Variants in LRMDA observed in about 807,000 individuals in gnomAD.
LRMDA encodes leucine-rich melanocyte differentiation-associated protein.
Under a neutral mutation model 29.8 loss-of-function variants are expected in LRMDA, and 18 were observed. The observed-to-expected ratio is 0.60, with a 90% CI of 0.42 to 0.90. The LOEUF is 0.90. Among genes scored for constraint, LRMDA ranks in the 40% least tolerant of loss-of-function variants. The pLI is 0.00. For synonymous variants in LRMDA, 125 were observed against 109.4 expected, an observed-to-expected ratio of 1.14 and a Z score of -0.89; for missense variants, 273 against 273.9, an observed-to-expected ratio of 1.00 and a Z score of 0.02.
intron 2 of LRMDA, among the ~76,000 whole-genome samples, chr10:75,637,370 A>G (rs532124534): frequency 6.6e-6 from 1 of 152,326 alleles, no homozygotes; most frequent in Admixed American, 6.5e-5. Context: ...TATTGACAGT[A>G]CATACATAGA....
At chr10:76,292,344 C>G (rs1361953063) in intron 5 of LRMDA, among the ~76,000 whole-genome samples, 1 of 152,096 alleles carries the variant, frequency 6.6e-6, no homozygotes, top group Non-Finnish European at 1.5e-5. Flanking sequence ...CTTGCACAAC[C>G]AAGCTCACAG....
chr10:76,306,815 G>A (rs1431065005), intron 5 of LRMDA, among the ~76,000 whole-genome samples: 3 of 152,164 alleles, frequency 2.0e-5, no homozygotes, highest in African/African-American at 7.2e-5. Context: ...ATATTCTCTT[G>A]TGGTATTATC....
At chr10:75,809,368 G>A (rs927250705) in intron 2 of LRMDA, among the ~76,000 whole-genome samples, 44 of 152,346 alleles carry the variant, frequency 2.9e-4, no homozygotes, top group African/African-American at 1.0e-3. Flanking sequence ...CATGGGCCAG[G>A]TGCAGTGGCT....
intron 5 of LRMDA, among the ~76,000 whole-genome samples, chr10:76,153,403 C>G (rs1161459508): frequency 6.6e-6 from 1 of 152,180 alleles, no homozygotes; most frequent in Non-Finnish European, 1.5e-5. Context: ...AATCCAAGGT[C>G]ATGAAGATAC....
In LRMDA at chr10:75,760,186, A is replaced by G. The variant is rs114222050; in HGVS notation, c.132-275822A>G. Among the ~76,000 whole-genome samples the G allele has an allele frequency of 6.2e-3, 939 of 152,362 alleles. 14 individuals are homozygous for G. Among genetic ancestry groups the G allele is most frequent in the African/African-American group, 0.021 (889 of 41,578 alleles). On this transcript the variant is annotated intron_variant, in intron 2 of 6. Transcript: ENST00000611255. ...GTTGTGGCTGTCTTCACCACAGGTG[A>G]GAATTTAGTGATTTGTGGGCCCCAG...
chr10:76,502,111 A>G (rs1175149504), intron 6 of LRMDA, among the ~76,000 whole-genome samples: 1 of 151,806 alleles, frequency 6.6e-6, no homozygotes, highest in Non-Finnish European at 1.5e-5. Context: ...ATTTATTGAA[A>G]AGGGAGTCCT....
At chr10:75,958,654 C>T (rs889593576) in intron 2 of LRMDA, among the ~76,000 whole-genome samples, 2 of 152,006 alleles carry the variant, frequency 1.3e-5, no homozygotes, top group Non-Finnish European at 2.9e-5. Context: ...GATTTCTATT[C>T]AAGAAATGAA....
intron 2 of LRMDA, among the ~76,000 whole-genome samples, chr10:75,718,494 C>G (rs1174311724): frequency 1.3e-5 from 2 of 152,212 alleles, no homozygotes; most frequent in South Asian, 4.1e-4. Context: ...GATAGATACT[C>G]TGGTGGTAGG....
intron 2 of LRMDA, among the ~76,000 whole-genome samples, chr10:75,918,234 C>T (rs577990039): frequency 6.6e-6 from 1 of 152,284 alleles, no homozygotes; most frequent in South Asian, 2.1e-4. Flanking sequence ...TTTACCACTA[C>T]CCTATTGTAT....
At chr10:75,694,878 A>G (rs780571517) in intron 2 of LRMDA, among the ~76,000 whole-genome samples, 3 of 152,242 alleles carry the variant, frequency 2.0e-5, no homozygotes, top group African/African-American at 4.8e-5. Flanking sequence ...CATTGCTCAC[A>G]TTGATCTGCA....
At chr10:76,088,634 T>C (rs1242423067) in intron 5 of LRMDA, among the ~76,000 whole-genome samples, 2 of 152,208 alleles carry the variant, frequency 1.3e-5, no homozygotes, top group Non-Finnish European at 2.9e-5. Flanking sequence ...TTTTTGTTAA[T>C]GGCCAGCCCA....
intron 6 of LRMDA, chr10:76,464,934 G>C (rs1423874284): frequency 6.6e-6 from 1 of 152,198 alleles, no homozygotes; most frequent in African/African-American, 2.4e-5. Context: ...TAAGGTAAGA[G>C]TAGCTTCTCT....
At chr10:76,545,083 T>C (rs1843403274) in intron 6 of LRMDA, among the ~76,000 whole-genome samples, 1 of 152,096 alleles carries the variant, frequency 6.6e-6, no homozygotes, top group Non-Finnish European at 1.5e-5. Flanking sequence ...GAAGGCCTTT[T>C]CCCCAATCCT....
intron 2 of LRMDA, among the ~76,000 whole-genome samples, chr10:75,485,664 G>A (rs990701898): frequency 1.3e-5 from 2 of 152,036 alleles, no homozygotes; most frequent in South Asian, 2.1e-4. Context: ...CGCAACCTCC[G>A]CCTCCCGGGT....
chr10:76,335,583 C>G (rs1840957187), intron 6 of LRMDA, among the ~76,000 whole-genome samples: 1 of 152,154 alleles, frequency 6.6e-6, no homozygotes, highest in Non-Finnish European at 1.5e-5. Context: ...TGGTTTTATA[C>G]ATTTTAGGAA....
chr10:76,520,957 T>TA (rs966753528), intron 6 of LRMDA, among the ~76,000 whole-genome samples: 1 of 152,156 alleles, frequency 6.6e-6, no homozygotes, highest in Admixed American at 6.5e-5. Flanking sequence ...GAACATTTGA[T>TA]AAAAAATAGA....
At chr10:75,792,392 G>A (rs1480062330) in intron 2 of LRMDA, among the ~76,000 whole-genome samples, 1 of 152,098 alleles carries the variant, frequency 6.6e-6, no homozygotes, top group Non-Finnish European at 1.5e-5. Flanking sequence ...AGCCTCCTGA[G>A]TAGCTGGGAT....
intron 2 of LRMDA, among the ~76,000 whole-genome samples, chr10:75,967,109 T>TG (rs1846875748): frequency 6.6e-6 from 1 of 152,186 alleles, no homozygotes; most frequent in Non-Finnish European, 1.5e-5. Context: ...GCCCTCGACT[T>TG]GCAGGAGGAG....
intron 5 of LRMDA, among the ~76,000 whole-genome samples, chr10:76,160,821 G>A (rs1297390663): frequency 6.6e-6 from 1 of 152,132 alleles, no homozygotes; most frequent in Non-Finnish European, 1.5e-5. Flanking sequence ...ACTGGAGGAA[G>A]TTTCGTACAA....
Sources: gnomAD v4.1 joint callset for allele counts (sites outside exome capture counted in the v4.1 genomes callset) on GRCh38, gnomAD v4.1.1 for gene constraint, MANE v1.5 for transcripts, NCBI Gene and HGNC (gene_info 2026-07-23, HGNC 2026-07-21) for gene names.